The following BTBD7 variants were observed in gnomAD, a reference collection of about 807,000 sequenced individuals.
BTBD7 encodes BTB domain containing 7, also known as BTB/POZ domain-containing protein 7.
A neutral mutation model predicts 99.9 loss-of-function variants in BTBD7; 38 were observed. The observed-to-expected ratio is 0.38, with a 90% CI of 0.29 to 0.50. The LOEUF is 0.50. Ranked by LOEUF, BTBD7 falls within the 20% of genes least tolerant of loss-of-function variation. BTBD7 has a pLI of 0.93. For synonymous variants in BTBD7, 520 were observed against 511.4 expected, an observed-to-expected ratio of 1.02 and a Z score of -0.23; for missense variants, 1,170 against 1,394.6, an observed-to-expected ratio of 0.84 and a Z score of 2.57.
In BTBD7 at chr14:93,241,976, T is replaced by G. The variant is rs2052235349; in HGVS notation, c.*297A>C. 1 of 428,526 alleles carries G rather than the reference T, an allele frequency of 2.3e-6. No homozygotes were observed. The highest frequency in any genetic ancestry group is 4.1e-6 in the Non-Finnish European group (1 of 243,054). The allele number at this position is 428,526 out of a possible 1,614,324, so 26.5% of individuals were successfully genotyped here. On this transcript the variant is annotated 3_prime_UTR_variant, in exon 11 of 11. Transcript: ENST00000334746. Reference sequence around the variant, plus strand: ...AATACAGAGAAAATAAATGTACAAGTGCAAAAAAATTCCATCATTTGTAAA... The same window carrying G: ...AATACAGAGAAAATAAATGTACAAGGGCAAAAAAATTCCATCATTTGTAAA...
chr14:93,308,850 G>C (rs2053103896), intron 1 of BTBD7, among the ~76,000 whole-genome samples: 1 of 152,204 alleles, frequency 6.6e-6, no homozygotes, highest in South Asian at 2.1e-4. Context: ...TGGGAAGTTA[G>C]TGTTCAGTAA....
In BTBD7 at chr14:93,294,048, A is replaced by G. The variant is rs755882332; in HGVS notation, c.972T>C (p.Tyr324=). 1 of 1,614,044 alleles carries G rather than the reference A, an allele frequency of 6.2e-7. No individual in the cohort carries two copies. The highest frequency in any genetic ancestry group is 8.5e-7 in the Non-Finnish European group (1 of 1,179,946). ...ACATACAGTGTAATATCACTGTTGC[A>G]TATTTTTTTGGTATAATGGACTCAT... ...ILDESIIPKK[Y]ATVILHCMYT... is the part of the protein sequence containing the mutation. Residue 324 remains tyrosine (Y), a synonymous_variant, in exon 3 of 11, where the codon TAT becomes TAC. Coordinates refer to ENST00000334746, the MANE Select transcript of BTBD7 (RefSeq NM_001002860.4).
In BTBD7 at chr14:93,245,906, G is replaced by T. The variant is rs753561085; in HGVS notation, c.2502C>A (p.Gly834=). Residue 834 remains glycine (G), a synonymous_variant, in exon 10 of 11, where the codon GGC becomes GGA. Transcript: ENST00000334746. ...CGGCAGCAGCAGCCACCGTCTGTCT[G>T]CCCAGTCCTGCAGTGCTGGTACAAT... The part of the protein sequence containing the change: ...PPDCTSTAGL[G]RQTVAAAAAT... 2.6e-5 allele frequency: 42 copies of T among 1,613,974 alleles called. No homozygotes were observed. In the East Asian group the frequency reaches 3.3e-4, roughly 13 times the overall value.
rs144397681 is a variant in BTBD7 at position 93,252,812 on chromosome 14, A to G, written c.1752+835T>C. On this transcript the variant is annotated intron_variant, in intron 7 of 10. Coordinates refer to ENST00000334746, the MANE Select transcript of BTBD7 (RefSeq NM_001002860.4). ...GACTGTCAGTTCCTCAAAAGGCCAAAGTTTTTTTGTTTTTTGTTTTTTTTT... is the reference window on the plus strand; with the variant it reads ...GACTGTCAGTTCCTCAAAAGGCCAAGGTTTTTTTGTTTTTTGTTTTTTTTT... 3.6e-3 allele frequency among the ~76,000 whole-genome samples: 542 copies of G among 151,700 alleles called. 2 individuals carry two copies. The highest frequency in any genetic ancestry group is 0.012 in the African/African-American group (505 of 41,288).
In BTBD7 at chr14:93,282,591, A is replaced by C. The variant is rs543189046; in HGVS notation, c.1162+11267T>G. ...CGTGATCTGCCTGCCTTGGCCTCCCAAAGGGTTGGAATTACAGGCACGAGC... is the reference window on the plus strand; with the variant it reads ...CGTGATCTGCCTGCCTTGGCCTCCCCAAGGGTTGGAATTACAGGCACGAGC... On this transcript the variant is annotated intron_variant, in intron 3 of 10. Coordinates refer to ENST00000334746, the MANE Select transcript of BTBD7 (RefSeq NM_001002860.4). Among the ~76,000 whole-genome samples the C allele has an allele frequency of 2.0e-4, 30 of 152,266 alleles. No individual in the cohort carries two copies. The South Asian group carries it at 6.2e-3, about 32-fold the overall frequency.
Position 93,242,391 on chromosome 14 carries a change from C to G in BTBD7, c.3281G>C (p.Ser1094Thr). The G allele has an allele frequency of 1.2e-6, 2 of 1,614,228 alleles. No homozygotes were observed. Among genetic ancestry groups the G allele is most frequent in the Non-Finnish European group, 1.7e-6 (2 of 1,180,046 alleles). The change falls in exon 11 of 11, where the codon AGT becomes ACT. Residue 1094 changes from serine to threonine, a missense_variant. Physicochemically the swap from Ser to Thr is moderately conservative, Grantham distance 58 (BLOSUM62 1). Coordinates refer to ENST00000334746, the MANE Select transcript of BTBD7 (RefSeq NM_001002860.4). ...CTGAGCTCCATGGCCCAGGGACTCACTGTCTGCCAGTCTTCTACCGGATCT... is the reference window on the plus strand; with the variant it reads ...CTGAGCTCCATGGCCCAGGGACTCAGTGTCTGCCAGTCTTCTACCGGATCT... ...EERSGRRLADSESLGHGAQRN... is the reference protein window; with the variant it reads ...EERSGRRLADTESLGHGAQRN...
chr14:93,282,754 C>T (rs917050115), intron 3 of BTBD7, among the ~76,000 whole-genome samples: 1 of 152,184 alleles, frequency 6.6e-6, no homozygotes, highest in African/African-American at 2.4e-5. Flanking sequence ...GTCAGTAATG[C>T]CTCCTCCCCA....
intron 3 of BTBD7, among the ~76,000 whole-genome samples, chr14:93,287,333 C>A (rs1267137010): frequency 2.2e-5 from 3 of 138,256 alleles, no homozygotes; most frequent in Admixed American, 1.4e-4. Flanking sequence ...CCCCCCCACC[C>A]CGTCCTACAT....
chr14:93,275,424 T>C (rs796240626), intron 3 of BTBD7, among the ~76,000 whole-genome samples: 26 of 152,356 alleles, frequency 1.7e-4, no homozygotes, highest in African/African-American at 6.3e-4. Context: ...ATTTTTAAAG[T>C]TGTAGTTTTC....
intron 1 of BTBD7, among the ~76,000 whole-genome samples, chr14:93,319,436 G>A (rs770788368): frequency 1.6e-4 from 24 of 152,152 alleles, no homozygotes; most frequent in Non-Finnish European, 2.9e-4. Flanking sequence ...AATACTATTT[G>A]GCCTCAGAGA....
chr14:93,261,173 C>T (rs1566839909), intron 5 of BTBD7, among the ~76,000 whole-genome samples: 2 of 152,208 alleles, frequency 1.3e-5, no homozygotes, highest in African/African-American at 4.8e-5. Flanking sequence ...ATTCACATAA[C>T]ACAAAATTTA....
At chr14:93,311,311 G>A (rs1476575308) in intron 1 of BTBD7, among the ~76,000 whole-genome samples, 1 of 151,952 alleles carries the variant, frequency 6.6e-6, no homozygotes, top group Non-Finnish European at 1.5e-5. Context: ...TTACCTTTCT[G>A]GTATTACAAC....
chr14:93,259,268 C>G (rs143230342), intron 5 of BTBD7, among the ~76,000 whole-genome samples: 1 of 152,160 alleles, frequency 6.6e-6, no homozygotes, highest in Non-Finnish European at 1.5e-5. Context: ...CTGTAACTCA[C>G]GCCTGAATGA....
Position 93,332,951 on chromosome 14 carries a change from C to A in BTBD7, c.-238G>T, listed in dbSNP as rs2053473831. The A allele has an allele frequency of 2.6e-6, 2 of 767,082 alleles. No individual in the cohort carries two copies. The highest frequency in any genetic ancestry group is 1.9e-5 in the African/African-American group (1 of 53,460). 47.5% of individuals were successfully genotyped at this position (767,082 alleles called of 1,614,324 possible). On this transcript the variant is annotated 5_prime_UTR_variant, in exon 1 of 11. Transcript: ENST00000334746. ...CATCCTCCTCCCACCGCCGCCGCCG[C>A]CGCCCTCTCCTCTCCTGTCAGTGGC...
chr14:93,277,443 A>C (rs898545746), intron 3 of BTBD7, among the ~76,000 whole-genome samples: 1 of 152,206 alleles, frequency 6.6e-6, no homozygotes, highest in Admixed American at 6.5e-5. Flanking sequence ...AGGATGCCTG[A>C]AATCTCTGAA....
intron 7 of BTBD7, among the ~76,000 whole-genome samples, chr14:93,253,311 C>A (rs546952800): frequency 7.6e-4 from 115 of 152,294 alleles, no homozygotes; most frequent in Non-Finnish European, 1.3e-3. Flanking sequence ...AATCTTCTTT[C>A]AGAACATTTC....
intron 7 of BTBD7, among the ~76,000 whole-genome samples, chr14:93,252,174 G>A (rs893581794): frequency 4.4e-4 from 67 of 152,156 alleles, no homozygotes; most frequent in African/African-American, 1.6e-3. Context: ...GCCAGATGTG[G>A]TGGCGGGTGC....
chr14:93,307,068 C>A (rs1471161231), intron 1 of BTBD7, among the ~76,000 whole-genome samples: 1 of 152,204 alleles, frequency 6.6e-6, no homozygotes, highest in African/African-American at 2.4e-5. Context: ...ATCTTCCTGA[C>A]ATCTCCCACA....
In BTBD7 at chr14:93,257,331, G is replaced by T. The variant is rs755396189; in HGVS notation, c.1472C>A (p.Ala491Asp). 3.1e-6 allele frequency: 5 copies of T among 1,611,602 alleles called. No homozygotes were observed. Among genetic ancestry groups the T allele is most frequent in the Middle Eastern group, 1.7e-4 (1 of 6,048 alleles). ...TACACCTCTTTTGTTCACACTATGG[G>T]CAGTGCCACTCAGTAAGTTTGGCTC... ...DREPNLLSGTAHSVNKRGVKR... is the reference protein window; with the variant it reads ...DREPNLLSGTDHSVNKRGVKR... Residue 491 changes from alanine to aspartate, a missense_variant, in exon 6 of 11, where the codon GCC becomes GAC. Ala to Asp is a moderately radical substitution (Grantham distance 126). Coordinates refer to ENST00000334746, the MANE Select transcript of BTBD7 (RefSeq NM_001002860.4).
Sources: gnomAD v4.1 joint callset for allele counts (sites outside exome capture counted in the v4.1 genomes callset) on GRCh38, gnomAD v4.1.1 for gene constraint, MANE v1.5 for transcripts, NCBI Gene and HGNC (gene_info 2026-07-23, HGNC 2026-07-21) for gene names.